The following MARCHF8 variants were observed in gnomAD, a reference collection of about 807,000 sequenced individuals.
MARCHF8 encodes membrane associated ring-CH-type finger 8, also known as E3 ubiquitin-protein ligase MARCHF8.
MARCHF8 carries 40 observed loss-of-function variants against 51.6 expected under a neutral mutation model. The observed-to-expected ratio is 0.77, with a 90% CI of 0.60 to 1.01. The LOEUF is 1.01. MARCHF8 is among the 50% of genes least tolerant of loss of function. The pLI, the probability that MARCHF8 is intolerant of heterozygous loss-of-function variation, is 0.00. For missense variants in MARCHF8, 685 were observed against 708.6 expected, an observed-to-expected ratio of 0.97 and a Z score of 0.38; for synonymous variants, 263 against 280.3, an observed-to-expected ratio of 0.94 and a Z score of 0.62.
Position 45,456,406 on chromosome 10 carries a change from C to T in MARCHF8, c.*1833G>A, listed in dbSNP as rs1413168390. On this transcript the variant is annotated 3_prime_UTR_variant, in exon 8 of 8. Coordinates refer to ENST00000453424, the MANE Select transcript of MARCHF8 (RefSeq NM_001282866.2). The stretch of plus-strand genomic sequence containing the variant: ...GGCCACAGCAGAGCCACTCCACAGA[C>T]TAAGACCTGTGTTGCCAAGGAATCA... 3.9e-5 allele frequency: 6 copies of T among 152,328 alleles called. No individual in the cohort carries two copies. Among genetic ancestry groups the T allele is most frequent in the African/African-American group, 1.4e-4 (6 of 41,458 alleles). The allele number at this position is 152,328 out of a possible 1,614,324, so 9.4% of individuals were successfully genotyped here.
intron 1 of MARCHF8, among the ~76,000 whole-genome samples, chr10:45,590,627 A>G (rs1049583621): frequency 1.3e-5 from 2 of 152,240 alleles, no homozygotes; most frequent in African/African-American, 4.8e-5. Flanking sequence ...AAGTTGCAGG[A>G]AAAAAAGTCC....
At chr10:45,468,254 C>T (rs2132963811) in intron 3 of MARCHF8, among the ~76,000 whole-genome samples, 1 of 152,322 alleles carries the variant, frequency 6.6e-6, no homozygotes, top group East Asian at 1.9e-4. Flanking sequence ...CTGGCATTCC[C>T]CTTTTCTCAG....
intron 2 of MARCHF8, among the ~76,000 whole-genome samples, chr10:45,501,188 T>C (rs373599411): frequency 7.9e-5 from 12 of 151,886 alleles, no homozygotes; most frequent in African/African-American, 2.9e-4. Context: ...TTTATATGGA[T>C]AGGCAAAGGA....
intron 1 of MARCHF8, among the ~76,000 whole-genome samples, chr10:45,577,392 G>C (rs1011379475): frequency 1.3e-5 from 2 of 152,158 alleles, no homozygotes; most frequent in South Asian, 2.1e-4. Context: ...GTAACACAAA[G>C]GATAAATGCA....
exon 1 of MARCHF8, chr10:45,594,512 C>A (rs1200546489): frequency 6.6e-6 from 1 of 152,286 alleles, no homozygotes; most frequent in Non-Finnish European, 1.5e-5. Context: ...AGCACCGGGG[C>A]AGAGAGACCC....
At chr10:45,544,670 T>C (rs189198811) in intron 1 of MARCHF8, among the ~76,000 whole-genome samples, 2 of 152,310 alleles carry the variant, frequency 1.3e-5, no homozygotes, top group Admixed American at 6.5e-5. Context: ...AGAAGGCAGA[T>C]CAGTGATTGC....
In MARCHF8 at chr10:45,543,880, G is replaced by A. The variant is rs12252063; in HGVS notation, c.-78-10591C>T. Among the ~76,000 whole-genome samples the A allele has an allele frequency of 2.1e-5, 3 of 144,752 alleles. No homozygotes were observed. In the South Asian group the frequency reaches 6.6e-4, roughly 32 times the overall value. The allele number at this position is 144,752 out of a possible 152,430, so 95.0% of individuals were successfully genotyped here. Reference sequence around the variant, plus strand: ...GACAAACAACATAATTTTAAAATAAGCAAAATACATTAACAGACATTTCAT... The same window carrying A: ...GACAAACAACATAATTTTAAAATAAACAAAATACATTAACAGACATTTCAT... On this transcript the variant is annotated intron_variant, in intron 1 of 6. Transcript: ENST00000319836.
chr10:45,531,712 C>T lies in MARCHF8; in HGVS notation c.102+1398G>A, dbSNP rs1270215206. 1.3e-5 allele frequency among the ~76,000 whole-genome samples: 2 copies of T among 152,090 alleles called. 1 individual carries two copies. Among genetic ancestry groups the T allele is most frequent in the Non-Finnish European group, 2.9e-5 (2 of 68,018 alleles). ...CCTCTGTAGAAGTTATGGGCTTCAG[C>T]GAGGGTGTGTTAACAGATTAGACTA... is the stretch of plus-strand genomic sequence containing the variant. On this transcript the variant is annotated intron_variant, in intron 2 of 7. Coordinates refer to ENST00000453424, the MANE Select transcript of MARCHF8 (RefSeq NM_001282866.2).
intron 1 of MARCHF8, among the ~76,000 whole-genome samples, chr10:45,549,999 G>A (rs75053968): frequency 0.079 from 11,998 of 152,248 alleles, 678 homozygotes; most frequent in Admixed American, 0.19. Context: ...GACAATGGGA[G>A]AAACAAGTGA....
At chr10:45,507,870 C>T (rs940988514) in intron 2 of MARCHF8, among the ~76,000 whole-genome samples, 3 of 149,256 alleles carry the variant, frequency 2.0e-5, no homozygotes, top group African/African-American at 7.4e-5. Flanking sequence ...TCAAATATTA[C>T]ACTGATACAA....
intron 1 of MARCHF8, among the ~76,000 whole-genome samples, chr10:45,544,704 T>C (rs1035383282): frequency 1.3e-5 from 2 of 152,162 alleles, no homozygotes; most frequent in African/African-American, 4.8e-5. Context: ...TAGTTGTGGG[T>C]ACTATCTGCA....
At chr10:45,500,341 C>G (rs35081812) in intron 2 of MARCHF8, among the ~76,000 whole-genome samples, 9,375 of 152,040 alleles carry the variant, frequency 0.062, 332 homozygotes, top group Non-Finnish European at 0.067. Context: ...TGCATGGAAA[C>G]TTTAGGGTTT....
intron 1 of MARCHF8, among the ~76,000 whole-genome samples, chr10:45,545,220 C>T (rs1450463206): frequency 6.6e-6 from 1 of 152,192 alleles, no homozygotes. Flanking sequence ...CCAAAGGCAG[C>T]ATATCTCATT....
In MARCHF8 at chr10:45,458,077, T is replaced by C. The variant is rs1181315964; in HGVS notation, c.*162A>G. On this transcript the variant is annotated 3_prime_UTR_variant, in exon 8 of 8. Coordinates refer to ENST00000453424, the MANE Select transcript of MARCHF8 (RefSeq NM_001282866.2). Reference sequence around the variant, plus strand: ...CAGGCATGCCTGGCCCACAGGAAGGTTTTCTAGGAGACTAAGGAGGGTTTA... The same window carrying C: ...CAGGCATGCCTGGCCCACAGGAAGGCTTTCTAGGAGACTAAGGAGGGTTTA... 1 of 769,596 alleles carries C rather than the reference T, an allele frequency of 1.3e-6. No individual in the cohort carries two copies. Among genetic ancestry groups the C allele is most frequent in the East Asian group, 2.8e-5 (1 of 35,444 alleles). 47.7% of individuals were successfully genotyped at this position (769,596 alleles called of 1,614,324 possible). A position where few individuals can be genotyped will look rare whatever the true frequency, so the allele number is the denominator to read the frequency against.
At chr10:45,495,550 T>A (rs1589119893) in intron 2 of MARCHF8, among the ~76,000 whole-genome samples, 1 of 152,060 alleles carries the variant, frequency 6.6e-6, no homozygotes, top group Non-Finnish European at 1.5e-5. Flanking sequence ...CTTATATGAT[T>A]AAAAGCAGAA....
rs575300644 is a variant in MARCHF8 at position 45,557,990 on chromosome 10, A to G, written c.-78-24701T>C. 1.4e-4 allele frequency among the ~76,000 whole-genome samples: 22 copies of G among 152,350 alleles called. 1 individual carries two copies. The highest frequency in any genetic ancestry group is 1.3e-3 in the Admixed American group (20 of 15,310). ...GTAATAATAACTTAGTATATTATGT[A>G]AGAAATGTCAATGATCAGTATCAGT... On this transcript the variant is annotated intron_variant, in intron 1 of 6. Transcript: ENST00000319836.
In MARCHF8 at chr10:45,456,724, C is replaced by T. The variant is rs1386786162; in HGVS notation, c.*1515G>A. On this transcript the variant is annotated 3_prime_UTR_variant, in exon 8 of 8. Transcript: ENST00000453424. The stretch of plus-strand genomic sequence containing the variant: ...CGCTACATTGTGCTTCAGGCCCCCC[C>T]AGCAACTTTCCCGGAGGTAACTATT... The T allele has an allele frequency of 6.6e-6, 1 of 152,252 alleles. No individual in the cohort carries two copies. Among genetic ancestry groups the T allele is most frequent in the Non-Finnish European group, 1.5e-5 (1 of 68,056 alleles). The allele number at this position is 152,252 out of a possible 1,614,324, so 9.4% of individuals were successfully genotyped here.
At chr10:45,462,481 G>A (rs1404155586) in intron 5 of MARCHF8, among the ~76,000 whole-genome samples, 1 of 152,196 alleles carries the variant, frequency 6.6e-6, no homozygotes, top group Admixed American at 6.5e-5. Flanking sequence ...ATGCAACAAT[G>A]CTTAAAATCT....
At chr10:45,488,540 A>G (rs1011390464) in intron 3 of MARCHF8, among the ~76,000 whole-genome samples, 18 of 152,168 alleles carry the variant, frequency 1.2e-4, no homozygotes, top group Non-Finnish European at 5.9e-5. Flanking sequence ...ATGATCAAAC[A>G]GCAAACCGTT....
Sources: gnomAD v4.1 joint callset for allele counts (sites outside exome capture counted in the v4.1 genomes callset) on GRCh38, gnomAD v4.1.1 for gene constraint, MANE v1.5 for transcripts, NCBI Gene and HGNC (gene_info 2026-07-23, HGNC 2026-07-21) for gene names.